The following MEGF10 variants were observed in gnomAD, a reference collection of about 807,000 sequenced individuals.
MEGF10 encodes the protein multiple EGF like domains 10, also known as multiple epidermal growth factor-like domains protein 10.
In MEGF10, 86 loss-of-function variants were observed where a neutral mutation model predicts 147.5. That is an observed-to-expected ratio of 0.58 (90% confidence interval 0.49 to 0.70). The LOEUF is 0.70. MEGF10 is among the 30% of genes least tolerant of loss of function. The pLI, the probability that MEGF10 is intolerant of heterozygous loss-of-function variation, is 0.00. For synonymous variants in MEGF10, 478 were observed against 525.5 expected (o/e 0.91, Z 1.24); for missense variants, 1,329 against 1,487.3 (o/e 0.89, Z 1.75).
chr5:127,354,167 G>GT (rs762821426), intron 4 of MEGF10, among the ~76,000 whole-genome samples: 9 of 152,264 alleles, frequency 5.9e-5, no homozygotes, highest in Admixed American at 2.0e-4. Flanking sequence ...ATGAAAAATA[G>GT]TTCTGTAGAT....
intron 1 of MEGF10, among the ~76,000 whole-genome samples, chr5:127,318,370 T>C (rs185032): frequency 0.64 from 97,752 of 152,100 alleles, 31,976 homozygotes; most frequent in Middle Eastern, 0.7. Flanking sequence ...AAAAACTTGA[T>C]GATGTTTTCA....
At chr5:127,270,819 T>C in the MEGF10 span, among the ~76,000 whole-genome samples, 1 of 152,292 alleles carries the variant, frequency 6.6e-6, no homozygotes, top group South Asian at 2.1e-4. Context: ...GAACATGCGG[T>C]ATTTGGTTAT....
At chr5:127,440,708 T>A in intron 17 of MEGF10, 31 bp from the exon 18 acceptor site, 1 of 1,611,040 alleles carries the variant, frequency 6.2e-7, no homozygotes, top group South Asian at 1.1e-5. Context: ...CAGCAGCCTC[T>A]TGACTCCTAC....
intron 16 of MEGF10, among the ~76,000 whole-genome samples, chr5:127,437,488 A>C (rs6859181): frequency 6.6e-6 from 1 of 152,038 alleles, no homozygotes; most frequent in Non-Finnish European, 1.5e-5. Context: ...TTGTCTTTAT[A>C]GGTCCACATT....
Position 127,388,032 on chromosome 5 carries a change from G to A in MEGF10, c.413-8500G>A, listed in dbSNP as rs149740603. Among the ~76,000 whole-genome samples the A allele has an allele frequency of 2.4e-3, 363 of 152,258 alleles. 1 individual carries two copies. The highest frequency in any genetic ancestry group is 8.1e-3 in the African/African-American group (337 of 41,548). On this transcript the variant is annotated intron_variant, in intron 5 of 24. Transcript: ENST00000503335. ...TTTATTCACCAGATATTTTCTGAAT[G>A]CCAGCCATGTGCCAGGTACTACATG...
At chr5:127,305,926 A>G (rs1482436184) in intron 1 of MEGF10, among the ~76,000 whole-genome samples, 1 of 152,222 alleles carries the variant, frequency 6.6e-6, no homozygotes, top group African/African-American at 2.4e-5. Flanking sequence ...TCAGAAAGTG[A>G]TCACCTTAAT....
chr5:127,237,001 AT>A, the MEGF10 span, among the ~76,000 whole-genome samples: 1 of 152,326 alleles, frequency 6.6e-6, no homozygotes, highest in Non-Finnish European at 1.5e-5. Context: ...GAGAGTATGA[AT>A]TCCATATTGA....
intron 5 of MEGF10, among the ~76,000 whole-genome samples, chr5:127,387,246 T>A (rs1387777548): frequency 6.6e-6 from 1 of 152,232 alleles, no homozygotes; most frequent in Non-Finnish European, 1.5e-5. Flanking sequence ...CATTTCTGTT[T>A]ATCTCTAATC....
chr5:127,229,868 C>T, the MEGF10 span: 96 of 152,254 alleles, frequency 6.3e-4, no homozygotes, highest in African/African-American at 2.3e-3. Context: ...CGCAGGCTTT[C>T]GGGCTGGACC....
intron 1 of MEGF10, among the ~76,000 whole-genome samples, chr5:127,325,887 GTATA>G (rs1189933388): frequency 0.027 from 1,351 of 49,460 alleles, 30 homozygotes; most frequent in Middle Eastern, 0.12. Flanking sequence ...GTGTGTGTGT[GTATA>G]TATATATATA....
intron 1 of MEGF10, among the ~76,000 whole-genome samples, chr5:127,300,764 CCTTA>C (rs1759730868): frequency 6.6e-6 from 1 of 152,146 alleles, no homozygotes; most frequent in Non-Finnish European, 1.5e-5. Context: ...ATCAATTCAC[CCTTA>C]CTTCTACAGT....
chr5:127,294,835 T>TTATAATTATAATAAA (rs1554087384), intron 1 of MEGF10, among the ~76,000 whole-genome samples: 3 of 143,142 alleles, frequency 2.1e-5, no homozygotes, highest in African/African-American at 7.8e-5. Context: ...ATAATAATAA[T>TTATAATTATAATAAA]AAATAACTTG....
At chr5:127,255,642 G>C in the MEGF10 span, among the ~76,000 whole-genome samples, 1 of 152,112 alleles carries the variant, frequency 6.6e-6, no homozygotes, top group Non-Finnish European at 1.5e-5. Flanking sequence ...CTAAAGGGGA[G>C]GAGAGAGTAA....
rs565069305 is a variant in MEGF10 at position 127,381,553 on chromosome 5, C to T, written c.412+11551C>T. 7.2e-5 allele frequency among the ~76,000 whole-genome samples: 11 copies of T among 152,272 alleles called. No homozygotes were observed. The South Asian group carries it at 1.7e-3, about 23-fold the overall frequency. ...TCTCCTACTGTCTTGGGCTACTGCCCGATTCTAATAGAGCCATGTGTGTCT... is the reference window on the plus strand; with the variant it reads ...TCTCCTACTGTCTTGGGCTACTGCCTGATTCTAATAGAGCCATGTGTGTCT... On this transcript the variant is annotated intron_variant, in intron 5 of 24. Transcript: ENST00000503335.
At chr5:127,441,046 G>T (rs908903469) in intron 18 of MEGF10, among the ~76,000 whole-genome samples, 179 bp downstream of exon 18, 1 of 152,182 alleles carries the variant, frequency 6.6e-6, no homozygotes, top group East Asian at 1.9e-4. Flanking sequence ...TGGGATCATC[G>T]CTGGTTACTC....
chr5:127,285,404 T>C, the MEGF10 span, among the ~76,000 whole-genome samples: 2 of 152,132 alleles, frequency 1.3e-5, no homozygotes, highest in African/African-American at 4.8e-5. Flanking sequence ...ATGTCAAGAT[T>C]AATAGCAAAT....
the MEGF10 span, among the ~76,000 whole-genome samples, chr5:127,251,302 T>C: frequency 6.6e-6 from 1 of 152,038 alleles, no homozygotes; most frequent in African/African-American, 2.4e-5. Context: ...GGGTTTAGTA[T>C]AGTAAAGAGC....
intron 14 of MEGF10, 22 bp from the exon 15 acceptor site, chr5:127,434,665 C>A (rs1765496763): frequency 3.1e-6 from 5 of 1,595,892 alleles, no homozygotes; most frequent in Admixed American, 1.7e-5. Context: ...AGGATAACTG[C>A]TGATTTCCCT....
At chr5:127,289,679 T>G (rs995355821), upstream of MEGF10, among the ~76,000 whole-genome samples, 1 of 152,238 alleles carries the variant, frequency 6.6e-6, no homozygotes, top group Non-Finnish European at 1.5e-5. Context: ...TCTATGTTCA[T>G]TCATTCCATT....
Sources: allele counts gnomAD v4.1 joint callset (sites outside exome capture counted in the v4.1 genomes callset), GRCh38; gene constraint gnomAD v4.1.1; transcripts MANE v1.5; gene names NCBI Gene and HGNC (gene_info 2026-07-23, HGNC 2026-07-21).